Variants in OR4N2 observed in about 807,000 individuals in gnomAD.
OR4N2 encodes olfactory receptor family 4 subfamily N member 2, also known as olfactory receptor 4N2.
For missense variants in OR4N2, 307 were observed against 377.6 expected, an observed-to-expected ratio of 0.81 and a Z score of 1.55; for synonymous variants, 141 against 140.4, an observed-to-expected ratio of 1.00 and a Z score of -0.03.
chr14:19,811,061 T>C (rs1209065428), intron 1 of OR4N2, among the ~76,000 whole-genome samples: 21 of 152,320 alleles, frequency 1.4e-4, no homozygotes, highest in Middle Eastern at 3.4e-3. Context: ...CTAAAATATG[T>C]AAGAAACGGG....
intron 1 of OR4N2, among the ~76,000 whole-genome samples, chr14:19,821,075 A>C (rs1326329012): frequency 6.6e-6 from 1 of 152,276 alleles, no homozygotes; most frequent in East Asian, 1.9e-4. Flanking sequence ...ACCTGAGGGA[A>C]TCTCCTGGTC....
chr14:19,816,433 C>T (rs1879429889), intron 1 of OR4N2, among the ~76,000 whole-genome samples: 1 of 152,132 alleles, frequency 6.6e-6, no homozygotes, highest in African/African-American at 2.4e-5. Flanking sequence ...TAGTTGTATT[C>T]CTAGGTATTT....
At chr14:19,824,127 A>G (rs1303721414) in intron 1 of OR4N2, among the ~76,000 whole-genome samples, 2 of 152,276 alleles carry the variant, frequency 1.3e-5, no homozygotes, top group Non-Finnish European at 2.9e-5. Flanking sequence ...GACTTTTGAC[A>G]GAACTTTCTC....
At chr14:19,827,198 C>G (rs1391436958) in intron 1 of OR4N2, among the ~76,000 whole-genome samples, 1 of 152,232 alleles carries the variant, frequency 6.6e-6, no homozygotes, top group Non-Finnish European at 1.5e-5. Context: ...GAAAATGATT[C>G]TGTAGAAGCA....
At chr14:19,804,401 A>G (rs1288422439) in intron 1 of OR4N2, among the ~76,000 whole-genome samples, 1 of 152,078 alleles carries the variant, frequency 6.6e-6, no homozygotes, top group Non-Finnish European at 1.5e-5. Context: ...GATATGTAGT[A>G]TGTTTGTTCT....
intron 1 of OR4N2, among the ~76,000 whole-genome samples, chr14:19,818,073 C>A (rs1371282283): frequency 6.6e-6 from 1 of 152,198 alleles, no homozygotes; most frequent in Non-Finnish European, 1.5e-5. Flanking sequence ...GATTTCTGTT[C>A]TTTTGCATTT....
intron 1 of OR4N2, among the ~76,000 whole-genome samples, chr14:19,811,523 G>A (rs1879296903): frequency 6.6e-6 from 1 of 152,254 alleles, no homozygotes; most frequent in Non-Finnish European, 1.5e-5. Context: ...TGGGACTATA[G>A]GCGTGAGCCA....
At chr14:19,821,163 G>T (rs180997435) in intron 1 of OR4N2, among the ~76,000 whole-genome samples, 2 of 152,372 alleles carry the variant, frequency 1.3e-5, no homozygotes, top group East Asian at 3.9e-4. Flanking sequence ...GTCTCTCACG[G>T]CTTCCCTTGG....
intron 1 of OR4N2, among the ~76,000 whole-genome samples, chr14:19,809,985 A>G (rs199677268): frequency 7.2e-5 from 11 of 152,200 alleles, no homozygotes; most frequent in Admixed American, 7.2e-4. Context: ...CCACAAAAAA[A>G]CAGAAATTGA....
intron 1 of OR4N2, among the ~76,000 whole-genome samples, chr14:19,810,558 A>ATG (rs1879271105): frequency 6.6e-6 from 1 of 152,258 alleles, no homozygotes; most frequent in African/African-American, 2.4e-5. Flanking sequence ...ACACAGTACT[A>ATG]TTCTCAATAG....
chr14:19,811,275 C>T (rs1879288573), intron 1 of OR4N2, among the ~76,000 whole-genome samples: 1 of 152,214 alleles, frequency 6.6e-6, no homozygotes, highest in Non-Finnish European at 1.5e-5. Flanking sequence ...GAGATGGAGT[C>T]TCACTCTGTC....
intron 1 of OR4N2, among the ~76,000 whole-genome samples, chr14:19,823,012 T>C (rs1879604317): frequency 6.6e-6 from 1 of 152,244 alleles, no homozygotes; most frequent in Non-Finnish European, 1.5e-5. Context: ...TAGAGGCCAT[T>C]TAATCTGGCC....
chr14:19,805,039 TG>T (rs1331024218), intron 1 of OR4N2, among the ~76,000 whole-genome samples: 1 of 152,250 alleles, frequency 6.6e-6, no homozygotes, highest in East Asian at 1.9e-4. Context: ...GTTTTCTTTT[TG>T]CTTGGTCTAT....
chr14:19,809,053 G>T (rs142723599), intron 1 of OR4N2, among the ~76,000 whole-genome samples: 159 of 152,240 alleles, frequency 1.0e-3, no homozygotes, highest in African/African-American at 3.7e-3. Context: ...ACTGAGGAAA[G>T]TTGTGGGCTT....
chr14:19,821,628 A>G (rs1222599897), intron 1 of OR4N2, among the ~76,000 whole-genome samples: 1 of 152,234 alleles, frequency 6.6e-6, no homozygotes, highest in East Asian at 1.9e-4. Flanking sequence ...ATGCTTCTGA[A>G]TAGGGTTCTG....
chr14:19,821,368 G>C lies in OR4N2; in HGVS notation c.-9-6072G>C, dbSNP rs116606636. On this transcript the variant is annotated intron_variant, in intron 1 of 1. Coordinates refer to ENST00000557677, the MANE Select transcript of OR4N2 (RefSeq NM_001004723.3). Reference sequence around the variant, plus strand: ...GTCTTGCTGGGAGTTGCAGACCAGAGTTGCTCTTATTTGGCCATCTTGCCA... The same window carrying C: ...GTCTTGCTGGGAGTTGCAGACCAGACTTGCTCTTATTTGGCCATCTTGCCA... 7.9e-3 allele frequency among the ~76,000 whole-genome samples: 1,200 copies of C among 152,216 alleles called. 7 individuals are homozygous for C. Among genetic ancestry groups the C allele is most frequent in the African/African-American group, 0.027 (1,111 of 41,470 alleles).
chr14:19,812,313 T>C (rs573940700), intron 1 of OR4N2, among the ~76,000 whole-genome samples: 1,519 of 124,368 alleles, frequency 0.012, 9 homozygotes, highest in African/African-American at 0.034. Context: ...TTTTTTTTTT[T>C]CTTTTCTTTT....
Position 19,828,028 on chromosome 14 carries a change from G to A in OR4N2, c.580G>A (p.Val194Met). The A allele has an allele frequency of 6.2e-7, 1 of 1,614,234 alleles. No individual in the cohort carries two copies. Among genetic ancestry groups the A allele is most frequent in the Non-Finnish European group, 8.5e-7 (1 of 1,180,026 alleles). Residue 194 changes from valine (V) to methionine (M), a missense_variant, in exon 2 of 2, where the codon GTG becomes ATG. By Grantham distance (21) the Val-to-Met change is conservative. Transcript: ENST00000557677. ...VIKLACTDTF[V>M]VELLMVFNSG... ...CAAGCTGGCCTGCACCGACACATTTGTGGTGGAGCTTCTGATGGTCTTCAA... is the reference window on the plus strand; with the variant it reads ...CAAGCTGGCCTGCACCGACACATTTATGGTGGAGCTTCTGATGGTCTTCAA...
At chr14:19,809,727 G>T (rs1162557034) in intron 1 of OR4N2, among the ~76,000 whole-genome samples, 1 of 152,156 alleles carries the variant, frequency 6.6e-6, no homozygotes, top group Non-Finnish European at 1.5e-5. Context: ...CTTTCACAAA[G>T]AGGATAAAAA....
Sources: allele counts gnomAD v4.1 joint callset (sites outside exome capture counted in the v4.1 genomes callset), GRCh38; gene constraint gnomAD v4.1.1; transcripts MANE v1.5; gene names NCBI Gene and HGNC (gene_info 2026-07-23, HGNC 2026-07-21).